NHSL2: variants seen among roughly 807,000 people sequenced by gnomAD.
The protein encoded by NHSL2 is NHS-like protein 2.
In NHSL2, 27 loss-of-function variants were observed where a neutral mutation model predicts 53.4. The observed-to-expected ratio is 0.51, with a 90% CI of 0.37 to 0.70. The LOEUF is 0.70. Among genes scored for constraint, NHSL2 ranks in the 30% least tolerant of loss-of-function variants. NHSL2 has a pLI of 0.00. For missense variants in NHSL2, 892 were observed against 980.1 expected (o/e 0.91, Z 1.20); for synonymous variants, 408 against 404.1 (o/e 1.01, Z -0.12).
intron 1 of NHSL2, among the ~76,000 whole-genome samples, chrX:71,981,406 T>A (rs1176877285): frequency 1.8e-5 from 2 of 109,541 alleles, no homozygotes; most frequent in Non-Finnish European, 3.8e-5. Flanking sequence ...ATTAGCTGAG[T>A]GTGTTGGCAC....
chrX:71,922,359 G>A (rs1422053319), intron 1 of NHSL2, among the ~76,000 whole-genome samples: 1 of 111,594 alleles, frequency 9.0e-6, no homozygotes, highest in African/African-American at 3.3e-5. Context: ...GCCCCCCTGG[G>A]AAATACGAAG....
chrX:71,934,613 T>C (rs2041729116), intron 1 of NHSL2, among the ~76,000 whole-genome samples: 1 of 111,313 alleles, frequency 9.0e-6, no homozygotes, highest in Non-Finnish European at 1.9e-5. Flanking sequence ...CTGACTTCTG[T>C]GTAGAGAATG....
intron 1 of NHSL2, among the ~76,000 whole-genome samples, chrX:71,987,521 G>A (rs916714514): frequency 8.9e-6 from 1 of 112,235 alleles, no homozygotes; most frequent in Non-Finnish European, 1.9e-5. Context: ...ATTTAGCAAA[G>A]CTAGTATGTG....
chrX:72,057,773 G>A (rs2042377814), intron 1 of NHSL2, among the ~76,000 whole-genome samples: 1 of 111,761 alleles, frequency 8.9e-6, no homozygotes, highest in Non-Finnish European at 1.9e-5. Flanking sequence ...GTTGATTTTT[G>A]CACCATTTGC....
intron 1 of NHSL2, among the ~76,000 whole-genome samples, chrX:72,123,021 C>T (rs922428939): frequency 1.8e-5 from 2 of 112,249 alleles, no homozygotes; most frequent in Admixed American, 9.4e-5. Flanking sequence ...CCAGTGGGGT[C>T]GGGGTTAGAG....
At chrX:71,912,966 C>T (rs886747876) in intron 1 of NHSL2, among the ~76,000 whole-genome samples, 1 of 111,868 alleles carries the variant, frequency 8.9e-6, no homozygotes, top group African/African-American at 3.2e-5. Flanking sequence ...TAACCCTCTC[C>T]GGTGATCTGC....
At chrX:72,105,973 G>C (rs2042035112) in intron 1 of NHSL2, among the ~76,000 whole-genome samples, 1 of 111,466 alleles carries the variant, frequency 9.0e-6, no homozygotes, top group Non-Finnish European at 1.9e-5. Flanking sequence ...ACTTTGGGAG[G>C]CTGAGGCGGG....
In NHSL2 at chrX:72,140,026, C is replaced by T. The variant is rs747502542; in HGVS notation, c.2478C>T (p.Ser826=). ...NQPIMPMVTQ[S]DLRSVRLRSV... ...CAATCATGCCTATGGTTACTCAGTC[C>T]GACCTACGTTCTGTTCGCCTGAGGT... Residue 826 remains serine (S), a synonymous_variant, in exon 6 of 8, where the codon TCC becomes TCT. Transcript: ENST00000633930. 8 of 1,207,965 alleles carry T rather than the reference C, an allele frequency of 6.6e-6. No individual in the cohort carries two copies. The highest frequency in any genetic ancestry group is 1.8e-5 in the African/African-American group (1 of 57,048).
intron 1 of NHSL2, among the ~76,000 whole-genome samples, chrX:72,075,967 C>G (rs1293364481): frequency 9.1e-6 from 1 of 109,355 alleles, no homozygotes; most frequent in African/African-American, 3.3e-5. Context: ...GAGTTTCACT[C>G]TTGTCACCCA....
chrX:72,058,061 C>T (rs2042379193), intron 1 of NHSL2, among the ~76,000 whole-genome samples: 1 of 112,179 alleles, frequency 8.9e-6, no homozygotes, highest in Admixed American at 9.4e-5. Context: ...TAGAGAAGAG[C>T]ACTGTGCAAT....
chrX:72,090,167 G>T (rs914937576), intron 1 of NHSL2, among the ~76,000 whole-genome samples: 44 of 110,976 alleles, frequency 4.0e-4, no homozygotes, highest in Admixed American at 3.6e-3. Context: ...AGGCTCCAGT[G>T]ATCCTCCCAC....
intron 1 of NHSL2, chrX:72,128,804 T>C (rs1445305790): frequency 8.8e-6 from 1 of 113,035 alleles, no homozygotes; most frequent in Non-Finnish European, 1.9e-5. Flanking sequence ...ACTCCAAGGA[T>C]AGAAAGTGTC....
intron 1 of NHSL2, among the ~76,000 whole-genome samples, chrX:71,963,999 A>G (rs866028116): frequency 1.0e-4 from 4 of 39,386 alleles, no homozygotes; most frequent in African/African-American, 4.7e-4. Flanking sequence ...ATATGTATAT[A>G]CATATATATA....
chrX:72,029,634 C>G (rs2042204303), intron 1 of NHSL2, among the ~76,000 whole-genome samples: 1 of 113,158 alleles, frequency 8.8e-6, no homozygotes, highest in South Asian at 3.6e-4. Flanking sequence ...CTCGCACATG[C>G]TCTGCCCACT....
chrX:71,917,671 C>T (rs1227839606), intron 1 of NHSL2, among the ~76,000 whole-genome samples: 2 of 110,746 alleles, frequency 1.8e-5, no homozygotes, highest in Admixed American at 1.9e-4. Context: ...AGAGGCTGAG[C>T]GAAGCTTCCA....
intron 1 of NHSL2, among the ~76,000 whole-genome samples, chrX:71,987,874 A>G (rs894018008): frequency 8.9e-6 from 1 of 112,311 alleles, no homozygotes; most frequent in Non-Finnish European, 1.9e-5. Flanking sequence ...TTCTCTTCCT[A>G]GAAGGAGCCT....
intron 1 of NHSL2, among the ~76,000 whole-genome samples, chrX:72,082,646 T>A (rs2041802568): frequency 8.9e-6 from 1 of 112,435 alleles, no homozygotes; most frequent in South Asian, 3.7e-4. Context: ...TTAGTTGCTT[T>A]GCCCAGTCCC....
At chrX:71,985,756 T>C (rs1003538825) in intron 1 of NHSL2, among the ~76,000 whole-genome samples, 1 of 112,719 alleles carries the variant, frequency 8.9e-6, no homozygotes, top group Non-Finnish European at 1.9e-5. Context: ...TTCTGCTTTA[T>C]ATTCATGAAC....
intron 1 of NHSL2, among the ~76,000 whole-genome samples, chrX:72,100,569 G>T (rs2041983140): frequency 8.9e-6 from 1 of 112,283 alleles, no homozygotes; most frequent in South Asian, 3.7e-4. Flanking sequence ...CAGGAGGTGA[G>T]TGGCAGGCGG....
Sources: gnomAD v4.1 joint callset for allele counts (sites outside exome capture counted in the v4.1 genomes callset) on GRCh38, gnomAD v4.1.1 for gene constraint, MANE v1.5 for transcripts, NCBI Gene and HGNC (gene_info 2026-07-23, HGNC 2026-07-21) for gene names.